The following WFDC10B variants were observed in gnomAD, a reference collection of about 807,000 sequenced individuals.
The protein encoded by WFDC10B is WAP four-disulfide core domain 10B, also known as protein WFDC10B.
WFDC10B carries 1 observed loss-of-function variant against 2.7 expected under a neutral mutation model. That is an observed-to-expected ratio of 0.38 (90% CI 0.13 to 1.79). The LOEUF (loss-of-function observed/expected upper bound fraction) is 1.79, where lower values mean the gene tolerates loss of function less well. Among genes scored for constraint, WFDC10B ranks in the 40% most tolerant of loss-of-function variants. WFDC10B has a pLI of 0.33. For synonymous variants in WFDC10B, 26 were observed against 32.2 expected (o/e 0.81, Z 0.65); for missense variants, 71 against 87.8 (o/e 0.81, Z 0.76).
At chr20:45,687,702 T>C (rs1039654581) in intron 2 of WFDC10B, among the ~76,000 whole-genome samples, 1 of 152,128 alleles carries the variant, frequency 6.6e-6, no homozygotes, top group Non-Finnish European at 1.5e-5. Flanking sequence ...ATAACCTCCA[T>C]TGTAACTGGC....
intron 2 of WFDC10B, among the ~76,000 whole-genome samples, chr20:45,696,145 C>T (rs1983968972): frequency 6.6e-6 from 1 of 151,820 alleles, no homozygotes; most frequent in Non-Finnish European, 1.5e-5. Flanking sequence ...ATTAACTGGG[C>T]ATGGTGGTAT....
chr20:45,696,831 T>C (rs1305175816), intron 2 of WFDC10B, among the ~76,000 whole-genome samples: 1 of 152,164 alleles, frequency 6.6e-6, no homozygotes, highest in Non-Finnish European at 1.5e-5. Context: ...ATAAAATCTA[T>C]ACCAAACATT....
At chr20:45,704,698 T>C in intron 1 of WFDC10B, 137 bp from the exon 2 acceptor site, 4 of 1,502,598 alleles carry the variant, frequency 2.7e-6, no homozygotes, top group African/African-American at 1.4e-5. Flanking sequence ...TTTTTTTTTT[T>C]TTTCCTTGGT....
chr20:45,696,939 T>A (rs1354224960), intron 2 of WFDC10B, among the ~76,000 whole-genome samples: 2 of 151,988 alleles, frequency 1.3e-5, no homozygotes, highest in East Asian at 1.9e-4. Flanking sequence ...TTAAAAAAAA[T>A]TCAGAAAACT....
At chr20:45,698,007 G>A (rs1167568911) in intron 2 of WFDC10B, among the ~76,000 whole-genome samples, 2 of 152,122 alleles carry the variant, frequency 1.3e-5, no homozygotes, top group African/African-American at 2.4e-5. Flanking sequence ...GCCTCCCAAA[G>A]TGCTGGGATT....
intron 2 of WFDC10B, among the ~76,000 whole-genome samples, chr20:45,689,267 G>A (rs1311246048): frequency 6.6e-6 from 1 of 151,836 alleles, no homozygotes; most frequent in Admixed American, 6.6e-5. Flanking sequence ...TCTGAAGTCA[G>A]GTAGTGTGAT....
chr20:45,688,005 C>T (rs1285100607), intron 2 of WFDC10B, among the ~76,000 whole-genome samples: 1 of 142,694 alleles, frequency 7.0e-6, no homozygotes, highest in Admixed American at 7.0e-5. Context: ...GGTATATCTC[C>T]CAATGCTATC....
chr20:45,699,757 C>T (rs1251755166), intron 2 of WFDC10B, among the ~76,000 whole-genome samples: 1 of 152,198 alleles, frequency 6.6e-6, no homozygotes, highest in Non-Finnish European at 1.5e-5. Context: ...TGGCTCACTG[C>T]AACCTCTGCC....
chr20:45,704,925 T>G lies in WFDC10B; in HGVS notation c.-137A>C. On this transcript the variant is annotated 5_prime_UTR_variant, in exon 1 of 4. Transcript: ENST00000330523. ...ATCCCAGGGACACTGTACCTGCAGG[T>G]GTAACCAAAATCCCAAAGCAAAATT... 1 of 1,614,094 alleles carries G rather than the reference T, an allele frequency of 6.2e-7. No individual in the cohort carries two copies. The highest frequency in any genetic ancestry group is 8.5e-7 in the Non-Finnish European group (1 of 1,179,976).
intron 2 of WFDC10B, among the ~76,000 whole-genome samples, chr20:45,695,020 C>T (rs1255025926): frequency 6.6e-6 from 1 of 152,228 alleles, no homozygotes; most frequent in East Asian, 1.9e-4. Context: ...CTATTTACTT[C>T]ATCTGGCTAT....
chr20:45,687,621 C>T (rs1983663574), intron 2 of WFDC10B, among the ~76,000 whole-genome samples: 1 of 152,130 alleles, frequency 6.6e-6, no homozygotes, highest in South Asian at 2.1e-4. Flanking sequence ...AATTTACATT[C>T]CTACCAACAG....
chr20:45,694,453 G>A lies in WFDC10B; in HGVS notation c.-64-8397C>T, dbSNP rs146837903. On this transcript the variant is annotated intron_variant, in intron 2 of 3. Transcript: ENST00000330523. ...GAAACAAAAAACATGATTATATATC[G>A]ATAAAAGGGTCAATTCATCAAAAAG... Among the ~76,000 whole-genome samples, 257 of 152,176 alleles carry A rather than the reference G, an allele frequency of 1.7e-3. 1 individual carries two copies. The highest frequency in any genetic ancestry group is 5.8e-3 in the African/African-American group (242 of 41,518).
intron 2 of WFDC10B, among the ~76,000 whole-genome samples, chr20:45,686,927 A>C (rs6032430): frequency 0.59 from 89,832 of 151,574 alleles, 27,590 homozygotes; most frequent in East Asian, 0.98. Flanking sequence ...TCCCAAAGTC[A>C]TGGGATTACA....
intron 2 of WFDC10B, among the ~76,000 whole-genome samples, chr20:45,699,318 A>G (rs911778084): frequency 8.5e-5 from 13 of 152,218 alleles, no homozygotes; most frequent in Admixed American, 2.6e-4. Context: ...TCAAAAAAAT[A>G]TTCATCTACA....
chr20:45,699,414 G>GAT lies in WFDC10B; in HGVS notation c.-65+5081_-65+5082dup, dbSNP rs552400683. Among the ~76,000 whole-genome samples the GAT allele has an allele frequency of 7.7e-3, 1,166 of 151,794 alleles. 9 individuals carry two copies. Among genetic ancestry groups the GAT allele is most frequent in the Non-Finnish European group, 0.013 (861 of 67,878 alleles). On this transcript the variant is annotated intron_variant, in intron 2 of 3. Transcript: ENST00000330523. The stretch of plus-strand genomic sequence containing the variant: ...AACAGATGAATGGATAAACAATTGT[G>GAT]ATATATATATATACAATGGAGTATT...
At chr20:45,701,991 T>C (rs1984181120) in intron 2 of WFDC10B, 11 of 753,250 alleles carry the variant, frequency 1.5e-5, no homozygotes, top group South Asian at 1.8e-5. Flanking sequence ...CCGGTTTTGA[T>C]TGGAGTACAC....
chr20:45,687,852 T>C lies in WFDC10B; in HGVS notation c.-64-1796A>G, dbSNP rs927432977. On this transcript the variant is annotated intron_variant, in intron 2 of 3. Transcript: ENST00000330523. ...GCCCACTTTTTAATGGGATTGCTTG[T>C]CTTTTCTTTTATTATTATTATTATT... Among the ~76,000 whole-genome samples, 8 of 144,438 alleles carry C rather than the reference T, an allele frequency of 5.5e-5. No homozygotes were observed. In the South Asian group the frequency reaches 1.3e-3, roughly 24 times the overall value. 94.8% of individuals were successfully genotyped at this position (144,438 alleles called of 152,430 possible).
chr20:45,695,381 G>A (rs553345920), intron 2 of WFDC10B, among the ~76,000 whole-genome samples: 4 of 152,106 alleles, frequency 2.6e-5, no homozygotes, highest in South Asian at 4.1e-4. Flanking sequence ...AGAACATGTA[G>A]ACAGAAAAAT....
Position 45,684,700 on chromosome 20 carries a change from A to C in WFDC10B, c.*130T>G. The C allele has an allele frequency of 3.9e-6, 5 of 1,282,320 alleles. No homozygotes were observed. In the South Asian group the frequency reaches 7.0e-5, roughly 18 times the overall value. 79.4% of individuals were successfully genotyped at this position (1,282,320 alleles called of 1,614,324 possible). On this transcript the variant is annotated 3_prime_UTR_variant, in exon 4 of 4. Coordinates refer to ENST00000330523, the MANE Select transcript of WFDC10B (RefSeq NM_172006.2). The stretch of plus-strand genomic sequence containing the variant: ...TTTGACAGGGACAGGGAGTTCAGAC[A>C]CTGGGGAGGGTGGCATTCCTGTTGA...
Sources: gnomAD v4.1 joint callset for allele counts (sites outside exome capture counted in the v4.1 genomes callset) on GRCh38, gnomAD v4.1.1 for gene constraint, MANE v1.5 for transcripts, NCBI Gene and HGNC (gene_info 2026-07-23, HGNC 2026-07-21) for gene names.